The following TG variants were observed in gnomAD, a reference collection of about 807,000 sequenced individuals.
TG encodes thyroglobulin, also known as thyroid hormones.
A neutral mutation model predicts 324.7 loss-of-function variants in TG; 270 were observed. The observed-to-expected ratio is 0.83, with a 90% CI of 0.75 to 0.92. The LOEUF is 0.92. Among genes scored for constraint, TG ranks in the 40% least tolerant of loss-of-function variants. The probability of loss-of-function intolerance (pLI) is 0.00; values close to 1 mark genes in which losing one functional copy is unlikely to be tolerated. For synonymous variants in TG, 1,401 were observed against 1,327.0 expected (o/e 1.06, Z -1.21); for missense variants, 3,591 against 3,456.4 (o/e 1.04, Z -0.98).
intron 20 of TG, among the ~76,000 whole-genome samples, chr8:132,917,888 A>AT (rs1414435510): frequency 2.0e-5 from 1 of 51,128 alleles, no homozygotes; most frequent in African/African-American, 6.4e-5. Flanking sequence ...CGGTTTTTGC[A>AT]ATTTTTTTTT....
Position 132,888,375 on chromosome 8 carries a change from G to C in TG, c.2568G>C (p.Gln856His), listed in dbSNP as rs186434712. ...PLAALEGKRP[Q>H]PRENILLEPY... ...CAGCACTGGAAGGGAAACGGCCCCA[G>C]CCCAGGGAGAATATCCTCCTGGAGC... Residue 856 changes from glutamine to histidine, a missense_variant, in exon 10 of 48, where the codon CAG becomes CAC. By Grantham distance (24) the Gln-to-His change is conservative. Coordinates refer to ENST00000220616, the MANE Select transcript of TG (RefSeq NM_003235.5). 6.2e-7 allele frequency: 1 copy of C among 1,614,202 alleles called. No homozygotes were observed. Among genetic ancestry groups the C allele is most frequent in the East Asian group, 2.2e-5 (1 of 44,884 alleles).
At chr8:132,886,347 T>A in intron 8 of TG, 101 bp from the exon 9 acceptor site, 2 of 1,509,918 alleles carry the variant, frequency 1.3e-6, no homozygotes. Context: ...TGTCCTTGAT[T>A]GAATGTTCTG....
At chr8:132,953,512 C>T (rs1826405747) in intron 27 of TG, among the ~76,000 whole-genome samples, 1 of 152,176 alleles carries the variant, frequency 6.6e-6, no homozygotes, top group African/African-American at 2.4e-5. Context: ...TTAGCATATC[C>T]TTTTCTGTTT....
rs772485045 is a variant in TG, at chr8:133,133,628, C to T, written c.8156C>T (p.Ser2719Phe). ...GLKKADCSFW[S>F]KYISSLKTSA... ...AAGAAAGCCGACTGCTCCTTCTGGT[C>T]CAAGTACATCTCGTCTCTGAAGACA... Residue 2719 changes from serine (S) to phenylalanine (F), a missense_variant, in exon 47 of 48, where the codon TCC (serine) becomes TTC (phenylalanine). Ser to Phe is a radical substitution (Grantham distance 155). Transcript: ENST00000220616. 6.2e-7 allele frequency: 1 copy of T among 1,614,046 alleles called. No individual in the cohort carries two copies. The highest frequency in any genetic ancestry group is 8.5e-7 in the Non-Finnish European group (1 of 1,180,026).
rs750438327 is a variant in TG at position 132,888,076 on chromosome 8, G to A, written c.2269G>A (p.Asp757Asn). Reference sequence around the variant, plus strand: ...CTCCAGCATGCTACCCACCCTTTCCGACACCTACATCCCACAGTGCAGCAC... The same window carrying A: ...CTCCAGCATGCTACCCACCCTTTCCAACACCTACATCCCACAGTGCAGCAC... ...SNSSMLPTLS[D>N]TYIPQCSTDG... Residue 757 changes from aspartate to asparagine, a missense_variant, in exon 10 of 48, where the codon GAC becomes AAC. Asp to Asn is a conservative substitution (Grantham distance 23). Transcript: ENST00000220616. 3.5e-5 allele frequency: 56 copies of A among 1,613,916 alleles called. No homozygotes were observed. The highest frequency in any genetic ancestry group is 2.5e-4 in the Admixed American group (15 of 59,984).
intron 27 of TG, among the ~76,000 whole-genome samples, chr8:132,957,768 C>CACACACACACACAG (rs1554680149): frequency 2.7e-4 from 39 of 145,010 alleles, no homozygotes; most frequent in African/African-American, 9.9e-4. Context: ...CACACACACA[C>CACACACACACACAG]ACACACACAC....
chr8:132,871,621 C>T, intron 4 of TG, 70 bp downstream of exon 4: 4 of 1,513,240 alleles, frequency 2.6e-6, no homozygotes, highest in Middle Eastern at 2.1e-4. Flanking sequence ...TGCGATCCAA[C>T]ACATTTAGGG....
chr8:132,969,694 C>T (rs1228782624), intron 32 of TG, 125 bp downstream of exon 32: 12 of 739,446 alleles, frequency 1.6e-5, no homozygotes, highest in African/African-American at 3.5e-5. Flanking sequence ...GGGCTGATCA[C>T]GAGGTCAAGA....
intron 39 of TG, among the ~76,000 whole-genome samples, chr8:133,020,963 G>A (rs1255881222): frequency 6.6e-6 from 1 of 152,174 alleles, no homozygotes; most frequent in Non-Finnish European, 1.5e-5. Context: ...CAAGGAGTCA[G>A]GACCTTGGAT....
intron 45 of TG, among the ~76,000 whole-genome samples, chr8:133,127,666 T>TA (rs952687392): frequency 1.3e-5 from 2 of 152,212 alleles, no homozygotes; most frequent in African/African-American, 4.8e-5. Context: ...TAGACCTTAG[T>TA]AAGCATGCAG....
intron 41 of TG, among the ~76,000 whole-genome samples, chr8:133,089,046 G>A (rs147415347): frequency 7.9e-5 from 12 of 152,344 alleles, no homozygotes; most frequent in Middle Eastern, 3.4e-3. Flanking sequence ...CACCTTGGTG[G>A]CACCTTCCAG....
At chr8:133,015,096 C>T (rs1188633756) in intron 37 of TG, among the ~76,000 whole-genome samples, 2 of 152,182 alleles carry the variant, frequency 1.3e-5, no homozygotes, top group Non-Finnish European at 2.9e-5. Context: ...TGGTCTTGAA[C>T]TCCTGGCTTC....
chr8:132,905,076 G>A (rs1438966784), intron 16 of TG, among the ~76,000 whole-genome samples: 1 of 152,136 alleles, frequency 6.6e-6, no homozygotes, highest in East Asian at 1.9e-4. Flanking sequence ...ACTGATATTA[G>A]CAAAGCTCTT....
At chr8:133,026,657 G>A (rs978423264) in intron 40 of TG, among the ~76,000 whole-genome samples, 3 of 152,188 alleles carry the variant, frequency 2.0e-5, no homozygotes, top group Non-Finnish European at 2.9e-5. Flanking sequence ...CTTTGGCCAG[G>A]ACACCAGACA....
At chr8:132,956,052 A>T (rs1007242220) in intron 27 of TG, among the ~76,000 whole-genome samples, 5 of 152,240 alleles carry the variant, frequency 3.3e-5, no homozygotes, top group African/African-American at 1.2e-4. Context: ...AGGCAGTCAA[A>T]ACTGTGATCA....
chr8:133,106,957 A>G (rs149159977), intron 43 of TG, among the ~76,000 whole-genome samples: 1 of 152,212 alleles, frequency 6.6e-6, no homozygotes, highest in African/African-American at 2.4e-5. Flanking sequence ...ATGTGTTCTC[A>G]TCGTGTCTCT....
chr8:132,911,606 A>G lies in TG; in HGVS notation c.4159+73A>G. On this transcript the variant is annotated intron_variant, in intron 19 of 47. Transcript: ENST00000220616. Reference sequence around the variant, plus strand: ...GAGTCTCAGTTTTCTCATCTGCCAAATGGAGCTGGTGAAGAAGCCCATGAT... The same window carrying G: ...GAGTCTCAGTTTTCTCATCTGCCAAGTGGAGCTGGTGAAGAAGCCCATGAT... 3.8e-6 allele frequency: 5 copies of G among 1,309,312 alleles called. No homozygotes were observed. The South Asian group carries it at 5.9e-5, about 15-fold the overall frequency. 81.1% of individuals were successfully genotyped at this position (1,309,312 alleles called of 1,614,324 possible).
At chr8:132,928,213 A>T (rs904185208) in intron 22 of TG, among the ~76,000 whole-genome samples, 5 of 152,070 alleles carry the variant, frequency 3.3e-5, no homozygotes, top group African/African-American at 1.2e-4. Flanking sequence ...ATCTAGATAT[A>T]AGTCTTTTTT....
intron 3 of TG, among the ~76,000 whole-genome samples, chr8:132,870,306 G>A (rs1839365498): frequency 6.6e-6 from 1 of 150,424 alleles, no homozygotes; most frequent in Non-Finnish European, 1.5e-5. Context: ...TGAGGAAATT[G>A]AGCCTAAAAC....
Sources: gnomAD v4.1 joint callset for allele counts (sites outside exome capture counted in the v4.1 genomes callset) on GRCh38, gnomAD v4.1.1 for gene constraint, MANE v1.5 for transcripts, NCBI Gene and HGNC (gene_info 2026-07-23, HGNC 2026-07-21) for gene names.